The following USP34 variants were observed in gnomAD, a reference collection of about 807,000 sequenced individuals.
USP34 encodes the protein ubiquitin carboxyl-terminal hydrolase 34.
USP34 carries 70 observed loss-of-function variants against 460.3 expected under a neutral mutation model. The ratio of observed to expected loss-of-function variants is 0.15; its 90% CI spans 0.13 to 0.19. The LOEUF is 0.19. Among genes scored for constraint, USP34 ranks in the 10% least tolerant of loss-of-function variants. USP34 has a pLI of 1.00. For missense variants in USP34, 3,985 were observed against 4,236.2 expected, an observed-to-expected ratio of 0.94 and a Z score of 1.65; for synonymous variants, 1,647 against 1,405.3, an observed-to-expected ratio of 1.17 and a Z score of -3.85.
At chr2:61,343,687 A>G (rs1447546711) in intron 16 of USP34, 128 bp downstream of exon 16, 3 of 937,706 alleles carry the variant, frequency 3.2e-6, no homozygotes, top group East Asian at 2.7e-5. Context: ...AAAAACTACC[A>G]TATGTAAGTT....
rs201610750 is a variant in USP34 at position 61,344,023 on chromosome 2, C to A, written c.2292G>T (p.Met764Ile). The A allele has an allele frequency of 8.7e-6, 14 of 1,613,334 alleles. No individual in the cohort carries two copies. The highest frequency in any genetic ancestry group is 5.0e-5 in the Admixed American group (3 of 60,006). The change falls in exon 16 of 80, where the codon ATG (methionine) becomes ATT (isoleucine). Residue 764 changes from methionine to isoleucine, a missense_variant. Transcript: ENST00000398571. ...HHHHHHHDGH[M>I]VDDMLSADDV... ...CATCTGCACTTAGCATATCATCAAC[C>A]ATATGCCTACAAAACAGAGAAAAGC...
At chr2:61,388,531 C>G (rs932268663) in intron 5 of USP34, among the ~76,000 whole-genome samples, 1 of 149,120 alleles carries the variant, frequency 6.7e-6, no homozygotes, top group African/African-American at 2.5e-5. Context: ...CCGATGCAGG[C>G]GGATCATGAG....
At position 61,336,510 on chromosome 2, in the gene USP34, GA is replaced by G. The variant is rs113096182; in HGVS notation, c.2745-2540del. On this transcript the variant is annotated intron_variant, in intron 18 of 79. Coordinates refer to ENST00000398571, the MANE Select transcript of USP34 (RefSeq NM_014709.4). ...ACTGAGTAACAAATAGGCACAAAGA[GA>G]AAAAAAAAAAACCTCAAGCTGGGTG... Among the ~76,000 whole-genome samples the G allele has an allele frequency of 1.1e-3, 161 of 141,172 alleles. 1 individual carries two copies. Among genetic ancestry groups the G allele is most frequent in the East Asian group, 4.3e-3 (21 of 4,912 alleles). The allele number at this position is 141,172 out of a possible 152,430, so 92.6% of individuals were successfully genotyped here.
At chr2:61,393,075 C>A (rs1380659441) in intron 5 of USP34, among the ~76,000 whole-genome samples, 1 of 152,110 alleles carries the variant, frequency 6.6e-6, no homozygotes. Flanking sequence ...TCATTTTAAA[C>A]CTCAAAACAA....
chr2:61,241,412 A>T, intron 53 of USP34, 148 bp downstream of exon 53: 1 of 521,792 alleles, frequency 1.9e-6, no homozygotes, highest in Non-Finnish European at 3.3e-6. Flanking sequence ...GTCTTATATC[A>T]GTATTACCAA....
rs766736642 is a variant in USP34, at chr2:61,314,746, T to A, written c.3383-2A>T. 4 of 1,575,998 alleles carry A rather than the reference T, an allele frequency of 2.5e-6. No homozygotes were observed. In the East Asian group the frequency reaches 9.0e-5, roughly 35 times the overall value. ...GCTCCTTCTCCAAACCTGTTTTACCTGAAAGCCAAATGTTTAGACACATAT... is the reference window on the plus strand; with the variant it reads ...GCTCCTTCTCCAAACCTGTTTTACCAGAAAGCCAAATGTTTAGACACATAT... On this transcript the variant is annotated splice_acceptor_variant, in intron 24 of 79. Coordinates refer to ENST00000398571, the MANE Select transcript of USP34 (RefSeq NM_014709.4). LOFTEE classifies it high-confidence loss of function.
chr2:61,314,166 GA>G (rs140445487), intron 25 of USP34, among the ~76,000 whole-genome samples: 93 of 147,208 alleles, frequency 6.3e-4, no homozygotes, highest in African/African-American at 1.9e-3. Flanking sequence ...AGTCCAGGAA[GA>G]AAAAAAAAAC....
In USP34 at chr2:61,195,470, G is replaced by A. The variant is rs553207974; in HGVS notation, c.9509-2490C>T. On this transcript the variant is annotated intron_variant, in intron 75 of 79. Coordinates refer to ENST00000398571, the MANE Select transcript of USP34 (RefSeq NM_014709.4). ...AGGCAGATCATGAGGTCAGGAGTTC[G>A]AGACCAGCCTGACCAACATGGTGAA... 8.6e-5 allele frequency among the ~76,000 whole-genome samples: 13 copies of A among 151,570 alleles called. No individual in the cohort carries two copies. In the South Asian group the frequency reaches 1.7e-3, roughly 19 times the overall value.
chr2:61,304,800 C>A (rs1341853175), intron 27 of USP34, among the ~76,000 whole-genome samples: 2 of 152,152 alleles, frequency 1.3e-5, no homozygotes, highest in African/African-American at 4.8e-5. Flanking sequence ...TATGGCTGAA[C>A]TGGATTTTAT....
At chr2:61,457,164 T>C (rs1333316713) in intron 1 of USP34, among the ~76,000 whole-genome samples, 1 of 152,200 alleles carries the variant, frequency 6.6e-6, no homozygotes, top group Non-Finnish European at 1.5e-5. Flanking sequence ...TAGTCCCAGC[T>C]ACTCAGGTGG....
At chr2:61,297,199 A>G (rs1324592964) in intron 29 of USP34, among the ~76,000 whole-genome samples, 2 of 152,234 alleles carry the variant, frequency 1.3e-5, no homozygotes, top group East Asian at 3.8e-4. Flanking sequence ...AAAAGTGAAA[A>G]CATCTGTTTA....
In USP34 at chr2:61,331,322, C is replaced by T. The variant is rs1004330392; in HGVS notation, c.2884G>A (p.Val962Ile). 2.5e-6 allele frequency: 4 copies of T among 1,612,278 alleles called. No individual in the cohort carries two copies. Among genetic ancestry groups the T allele is most frequent in the Admixed American group, 1.7e-5 (1 of 59,924 alleles). ...NMMKLFFDNL[V>I]YYIQTVREGR... Reference sequence around the variant, plus strand: ...TCTCTCACAGTTTGAATGTAGTATACCAAATTATCAAAGAAAAGCTTCATC... The same window carrying T: ...TCTCTCACAGTTTGAATGTAGTATATCAAATTATCAAAGAAAAGCTTCATC... Residue 962 changes from valine (V) to isoleucine (I), a missense_variant, in exon 20 of 80, where the codon GTA becomes ATA. By Grantham distance (29) the Val-to-Ile change is conservative. Transcript: ENST00000398571.
chr2:61,335,146 T>C (rs1691378777), intron 18 of USP34, among the ~76,000 whole-genome samples: 1 of 152,198 alleles, frequency 6.6e-6, no homozygotes, highest in African/African-American at 2.4e-5. Context: ...AATTTTGGCC[T>C]GGTGATAATA....
intron 1 of USP34, among the ~76,000 whole-genome samples, chr2:61,450,999 C>A (rs1695254684): frequency 6.6e-6 from 1 of 151,262 alleles, no homozygotes; most frequent in Non-Finnish European, 1.5e-5. Flanking sequence ...GCAGGCGGAT[C>A]ACGAGGTCAA....
intron 1 of USP34, among the ~76,000 whole-genome samples, chr2:61,447,407 T>A (rs958682167): frequency 6.6e-6 from 1 of 152,128 alleles, no homozygotes. Flanking sequence ...AAGCTCAAAT[T>A]TTATCACTGG....
intron 69 of USP34, 142 bp downstream of exon 69, chr2:61,211,627 AAGT>A: frequency 1.1e-6 from 1 of 888,638 alleles, no homozygotes; most frequent in Admixed American, 3.9e-5. Flanking sequence ...AACTGTTTAA[AAGT>A]AGTTCATGAA....
intron 16 of USP34, among the ~76,000 whole-genome samples, chr2:61,342,589 G>C (rs989313225): frequency 2.0e-5 from 3 of 151,888 alleles, no homozygotes; most frequent in African/African-American, 7.3e-5. Flanking sequence ...TGGGATTATA[G>C]GTGTGAGCCA....
At chr2:61,297,749 AT>A (rs113839986) in intron 29 of USP34, among the ~76,000 whole-genome samples, 3 of 149,908 alleles carry the variant, frequency 2.0e-5, no homozygotes, top group African/African-American at 2.4e-5. Context: ...GAAAATCTTT[AT>A]TTTTTTTTTG....
intron 10 of USP34, among the ~76,000 whole-genome samples, chr2:61,369,578 G>A (rs1333955841): frequency 6.9e-6 from 1 of 145,490 alleles, no homozygotes; most frequent in African/African-American, 2.6e-5. Context: ...GGGAGGCGGA[G>A]GTTGCAGTAA....
Sources: allele counts gnomAD v4.1 joint callset (sites outside exome capture counted in the v4.1 genomes callset), GRCh38; gene constraint gnomAD v4.1.1; transcripts MANE v1.5; gene names NCBI Gene and HGNC (gene_info 2026-07-23, HGNC 2026-07-21).